COL4A1: variants seen among roughly 807,000 people sequenced by gnomAD.
The protein encoded by COL4A1 is collagen type IV alpha 1 chain.
Under a neutral mutation model 216.6 loss-of-function variants are expected in COL4A1, and 40 were observed. The observed-to-expected ratio is 0.18, with a 90% CI of 0.14 to 0.24. The LOEUF is 0.24. COL4A1 is among the 10% of genes least tolerant of loss of function. The pLI is 1.00. For synonymous variants in COL4A1, 839 were observed against 810.7 expected (o/e 1.03, Z -0.59); for missense variants, 1,628 against 2,196.8 (o/e 0.74, Z 5.18).
At chr13:110,152,248 T>C in intron 51 of COL4A1, 86 bp downstream of exon 51, 1 of 1,572,798 alleles carries the variant, frequency 6.4e-7, no homozygotes, top group Non-Finnish European at 8.6e-7. Flanking sequence ...AGACTTTGCA[T>C]TGGAAGGTGT....
intron 51 of COL4A1, among the ~76,000 whole-genome samples, chr13:110,151,817 G>T (rs770407063): frequency 2.0e-5 from 3 of 152,192 alleles, no homozygotes; most frequent in Non-Finnish European, 4.4e-5. Context: ...CATTTTAAAG[G>T]TGAGATTTTG....
At chr13:110,282,629 T>G (rs1368478279) in intron 1 of COL4A1, among the ~76,000 whole-genome samples, 1 of 152,190 alleles carries the variant, frequency 6.6e-6, no homozygotes, top group Non-Finnish European at 1.5e-5. Flanking sequence ...TGAGATGAAG[T>G]GCTCTCACAT....
At chr13:110,281,174 T>C (rs573937760) in intron 1 of COL4A1, among the ~76,000 whole-genome samples, 32 of 152,308 alleles carry the variant, frequency 2.1e-4, no homozygotes, top group African/African-American at 7.5e-4. Flanking sequence ...TCTCTCCCGT[T>C]TTCTTCTCTT....
chr13:110,208,268 C>T (rs1879609768), intron 12 of COL4A1, among the ~76,000 whole-genome samples: 1 of 152,236 alleles, frequency 6.6e-6, no homozygotes, highest in Non-Finnish European at 1.5e-5. Context: ...GGTCTGTGCC[C>T]TCCCGGCTCC....
rs544569394 is a variant in COL4A1, at chr13:110,179,357, G to A, written c.2258C>T (p.Thr753Ile). ...GLPGLPGIPG[T>I]PGEKGSIGVP... ...CCCAATGCTCCCCTTCTCCCCGGGT[G>A]TGCCAGGAATGCCGGGAAGACCTGG... The change falls in exon 30 of 52, where the codon ACA (threonine) becomes ATA (isoleucine). Residue 753 changes from threonine (T) to isoleucine (I), a missense_variant. Physicochemically the swap from Thr to Ile is moderately conservative, Grantham distance 89. Transcript: ENST00000375820. 1.9e-5 allele frequency: 30 copies of A among 1,614,150 alleles called. No homozygotes were observed. In the South Asian group the frequency reaches 3.2e-4, roughly 17 times the overall value.
chr13:110,183,883 G>A (rs1052025666), intron 26 of COL4A1, among the ~76,000 whole-genome samples: 1 of 152,220 alleles, frequency 6.6e-6, no homozygotes, highest in African/African-American at 2.4e-5. Flanking sequence ...AGCCACCGGA[G>A]TGTCAGGGTT....
chr13:110,200,146 C>T (rs1246605730), intron 20 of COL4A1, among the ~76,000 whole-genome samples: 1 of 152,248 alleles, frequency 6.6e-6, no homozygotes, highest in Non-Finnish European at 1.5e-5. Flanking sequence ...CCGTTGTGTG[C>T]CAATGCTAGG....
chr13:110,197,225 A>C (rs1878942715), intron 21 of COL4A1, among the ~76,000 whole-genome samples: 1 of 112,944 alleles, frequency 8.9e-6, no homozygotes, highest in Admixed American at 1.1e-4. Context: ...CCCACCCCAG[A>C]ACCCTCTGTT....
At chr13:110,163,162 T>C (rs1877164695) in intron 47 of COL4A1, among the ~76,000 whole-genome samples, 1 of 152,206 alleles carries the variant, frequency 6.6e-6, no homozygotes, top group Admixed American at 6.5e-5. Flanking sequence ...TTTGCTGAAA[T>C]AGAATTTTCA....
chr13:110,171,323 A>AG (rs1326867662), intron 41 of COL4A1, among the ~76,000 whole-genome samples: 4 of 151,720 alleles, frequency 2.6e-5, no homozygotes, highest in South Asian at 2.1e-4. Context: ...AGAGGGCAGG[A>AG]GGGGGGGATT....
At chr13:110,197,925 A>T (rs1878978184) in intron 21 of COL4A1, among the ~76,000 whole-genome samples, 1 of 152,106 alleles carries the variant, frequency 6.6e-6, no homozygotes, top group Non-Finnish European at 1.5e-5. Flanking sequence ...TTTTCTTCGA[A>T]TTTGCTTTGG....
At chr13:110,263,977 A>C (rs1038977134) in intron 1 of COL4A1, among the ~76,000 whole-genome samples, 2 of 152,228 alleles carry the variant, frequency 1.3e-5, no homozygotes, top group African/African-American at 4.8e-5. Flanking sequence ...ATCTGTAAAA[A>C]CTGTATCAAA....
At chr13:110,296,310 A>G (rs559859077) in intron 1 of COL4A1, among the ~76,000 whole-genome samples, 85 of 152,358 alleles carry the variant, frequency 5.6e-4, no homozygotes, top group Non-Finnish European at 8.5e-4. Flanking sequence ...TTGTGCCCTC[A>G]AGAATTATGC....
At chr13:110,277,749 C>A (rs1883482837) in intron 1 of COL4A1, among the ~76,000 whole-genome samples, 1 of 152,212 alleles carries the variant, frequency 6.6e-6, no homozygotes, top group Admixed American at 6.5e-5. Context: ...CTTTGCAGAG[C>A]TGACCCTTGG....
chr13:110,186,680 C>T (rs915019245), intron 25 of COL4A1, 127 bp from the exon 26 acceptor site: 12 of 1,214,022 alleles, frequency 9.9e-6, no homozygotes, highest in Middle Eastern at 2.2e-4. Context: ...TTATTTACTT[C>T]ATCTACCCTC....
chr13:110,252,474 G>A (rs1484606413), intron 1 of COL4A1, among the ~76,000 whole-genome samples: 486 of 23,526 alleles, frequency 0.021, 108 homozygotes, highest in Middle Eastern at 0.053. Context: ...ATAATTATAT[G>A]TATTATATAT....
At chr13:110,234,145 C>T (rs1156309508) in intron 2 of COL4A1, among the ~76,000 whole-genome samples, 1 of 152,224 alleles carries the variant, frequency 6.6e-6, no homozygotes, top group Non-Finnish European at 1.5e-5. Context: ...CTTTTAGCAA[C>T]TCTGGGGAAT....
rs1184939676 is a variant in COL4A1 at position 110,307,003 on chromosome 13, G to A, written c.25C>T (p.Leu9=). 6.8e-7 allele frequency: 1 copy of A among 1,476,640 alleles called. No individual in the cohort carries two copies. The highest frequency in any genetic ancestry group is 8.9e-7 in the Non-Finnish European group (1 of 1,119,488). The allele number at this position is 1,476,640 out of a possible 1,614,324, so 91.5% of individuals were successfully genotyped here. MGPRLSVW[L]LLLPAALLLH... ...AGAAGGGCGGCGGGCAGCAGCAGCA[G>A]CCAGACGCTGAGCCGGGGCCCCATG... is the stretch of plus-strand genomic sequence containing the variant. Residue 9 remains leucine, a synonymous_variant, in exon 1 of 52, where the codon CTG becomes TTG. Transcript: ENST00000375820. This position sits in a 1 kb window ranked among gnomAD's most constrained non-coding sequence, Gnocchi z 5.0.
intron 2 of COL4A1, among the ~76,000 whole-genome samples, chr13:110,221,070 C>T (rs183023050): frequency 6.6e-6 from 1 of 152,222 alleles, no homozygotes; most frequent in Non-Finnish European, 1.5e-5. Context: ...TTGGACAAAT[C>T]CTGATGTTGA....
Sources: gnomAD v4.1 joint callset for allele counts (sites outside exome capture counted in the v4.1 genomes callset) on GRCh38, gnomAD v4.1.1 for gene constraint, Gnocchi (gnomAD v3.1) non-coding constraint, MANE v1.5 for transcripts, NCBI Gene and HGNC (gene_info 2026-07-23, HGNC 2026-07-21) for gene names.